The following CCDC102B variants were observed in gnomAD, a reference collection of about 807,000 sequenced individuals.
CCDC102B encodes coiled-coil domain containing 102B, also known as coiled-coil domain-containing protein 102B.
In CCDC102B, 75 loss-of-function variants were observed where a neutral mutation model predicts 57.4. That is an observed-to-expected ratio of 1.31 (90% CI 1.08 to 1.58). The LOEUF (loss-of-function observed/expected upper bound fraction) is 1.58. CCDC102B is among the 40% of genes most tolerant of loss of function. CCDC102B has a pLI of 0.00. For missense variants in CCDC102B, 636 were observed against 582.6 expected, an observed-to-expected ratio of 1.09 and a Z score of -0.94; for synonymous variants, 206 against 201.9, an observed-to-expected ratio of 1.02 and a Z score of -0.17.
chr18:68,836,624 C>CAAA lies in CCDC102B; in HGVS notation c.-15-122_-15-120dup, dbSNP rs74175335. The stretch of plus-strand genomic sequence containing the variant: ...GCCTGGTGACAGAGCAAGACTCTGT[C>CAAA]AAAAATAAAAAAAAAGCATTGTTTT... On this transcript the variant is annotated intron_variant, in intron 1 of 7. Coordinates refer to ENST00000360242, the MANE Select transcript of CCDC102B (RefSeq NM_024781.3). The CAAA allele has an allele frequency of 9.4e-3, 4,429 of 470,776 alleles. 29 individuals are homozygous for CAAA. The highest frequency in any genetic ancestry group is 0.011 in the Non-Finnish European group (3,255 of 295,256). 29.2% of individuals were successfully genotyped at this position (470,776 alleles called of 1,614,324 possible).
chr18:68,765,015 C>G (rs2034377069), intron 2 of CCDC102B, among the ~76,000 whole-genome samples: 1 of 147,524 alleles, frequency 6.8e-6, no homozygotes, highest in African/African-American at 2.6e-5. Context: ...TCACTGCACT[C>G]CAGCCTGGGT....
intron 6 of CCDC102B, among the ~76,000 whole-genome samples, chr18:68,995,150 TG>T (rs957996043): frequency 6.6e-6 from 1 of 152,190 alleles, no homozygotes; most frequent in Non-Finnish European, 1.5e-5. Context: ...CCTAAAGATC[TG>T]TGGAACTTTG....
At chr18:68,896,919 A>G (rs947196857) in intron 5 of CCDC102B, among the ~76,000 whole-genome samples, 4 of 152,032 alleles carry the variant, frequency 2.6e-5, no homozygotes, top group Admixed American at 1.3e-4. Context: ...TTGAGAGTGG[A>G]GATTAATGTT....
chr18:68,879,119 G>T (rs2039573605), intron 5 of CCDC102B, among the ~76,000 whole-genome samples: 1 of 151,862 alleles, frequency 6.6e-6, no homozygotes, highest in African/African-American at 2.4e-5. Flanking sequence ...CCTCCCAGTG[G>T]GCTCGTGGTC....
At chr18:69,050,912 G>A (rs2052687926) in intron 7 of CCDC102B, among the ~76,000 whole-genome samples, 1 of 152,156 alleles carries the variant, frequency 6.6e-6, no homozygotes, top group Non-Finnish European at 1.5e-5. Flanking sequence ...TAGAGACAGA[G>A]TCTTGCTCTT....
At chr18:68,790,679 T>G (rs374746228) in intron 2 of CCDC102B, among the ~76,000 whole-genome samples, 1 of 152,194 alleles carries the variant, frequency 6.6e-6, no homozygotes, top group Admixed American at 6.5e-5. Flanking sequence ...TGCCTCGCCC[T>G]GCTTCGGCTC....
downstream of CCDC102B, among the ~76,000 whole-genome samples, chr18:69,057,905 G>A (rs1473997381): frequency 6.6e-6 from 1 of 151,968 alleles, no homozygotes; most frequent in Non-Finnish European, 1.5e-5. Context: ...GGTAAGGTGT[G>A]TATTGCTGAA....
chr18:69,050,161 G>GCTCAT (rs2052669082), intron 7 of CCDC102B, among the ~76,000 whole-genome samples: 1 of 150,442 alleles, frequency 6.6e-6, no homozygotes, highest in Non-Finnish European at 1.5e-5. Context: ...AGTGTTGAAG[G>GCTCAT]AGCAAATTAC....
intron 1 of CCDC102B, among the ~76,000 whole-genome samples, chr18:68,822,581 T>A (rs2036736560): frequency 6.6e-6 from 1 of 152,184 alleles, no homozygotes; most frequent in Admixed American, 6.5e-5. Flanking sequence ...TACATGGGTA[T>A]GTTGCACCCA....
chr18:68,853,401 G>C (rs1428539463), intron 4 of CCDC102B, among the ~76,000 whole-genome samples: 2 of 151,632 alleles, frequency 1.3e-5, no homozygotes, highest in Non-Finnish European at 2.9e-5. Context: ...TTTGGAAAAA[G>C]TCTGGAAAAA....
chr18:68,759,594 T>C (rs989527149), intron 2 of CCDC102B, among the ~76,000 whole-genome samples: 3 of 152,130 alleles, frequency 2.0e-5, no homozygotes, highest in Non-Finnish European at 2.9e-5. Flanking sequence ...ATGCTAAGTA[T>C]AGAATTCTAT....
chr18:68,944,921 T>C (rs1215236975), intron 6 of CCDC102B, among the ~76,000 whole-genome samples: 1 of 151,994 alleles, frequency 6.6e-6, no homozygotes. Context: ...AAGTCATCAG[T>C]TGTGGGCAAT....
intron 5 of CCDC102B, among the ~76,000 whole-genome samples, chr18:68,880,521 C>A (rs111271783): frequency 1.3e-5 from 2 of 152,150 alleles, no homozygotes; most frequent in African/African-American, 4.8e-5. Flanking sequence ...CGAGAGCCAG[C>A]GAGGGCTGTG....
chr18:68,736,988 C>A (rs2033159856), intron 2 of CCDC102B, among the ~76,000 whole-genome samples: 1 of 151,944 alleles, frequency 6.6e-6, no homozygotes, highest in Non-Finnish European at 1.5e-5. Context: ...CAGTGGCACA[C>A]ACCTCAACTG....
At chr18:68,851,927 C>T (rs1463484132) in intron 4 of CCDC102B, among the ~76,000 whole-genome samples, 1 of 152,112 alleles carries the variant, frequency 6.6e-6, no homozygotes, top group Non-Finnish European at 1.5e-5. Flanking sequence ...TTTCCAGAGA[C>T]TAATGTTCAT....
At chr18:68,814,973 A>G (rs78613330) in intron 1 of CCDC102B, among the ~76,000 whole-genome samples, 1,570 of 152,290 alleles carry the variant, frequency 0.01, 14 homozygotes, top group Middle Eastern at 0.048. Flanking sequence ...TTTGCCAGTA[A>G]AAATTATTTT....
At chr18:69,022,223 A>ATATATAT (rs1160074383) in intron 7 of CCDC102B, among the ~76,000 whole-genome samples, 3 of 100,544 alleles carry the variant, frequency 3.0e-5, no homozygotes, top group African/African-American at 8.7e-5. Flanking sequence ...ATATATATAT[A>ATATATAT]ACACACACAC....
intron 2 of CCDC102B, among the ~76,000 whole-genome samples, chr18:68,773,261 A>G (rs2144617596): frequency 6.6e-6 from 1 of 152,206 alleles, no homozygotes; most frequent in East Asian, 1.9e-4. Context: ...TCCAAAAGTT[A>G]TAAGAATGTG....
chr18:69,034,778 C>A (rs1420591733), intron 7 of CCDC102B, among the ~76,000 whole-genome samples: 8 of 151,402 alleles, frequency 5.3e-5, no homozygotes, highest in African/African-American at 1.9e-4. Flanking sequence ...CACACACACA[C>A]AAATATATAT....
Sources: gnomAD v4.1 joint callset for allele counts (sites outside exome capture counted in the v4.1 genomes callset) on GRCh38, gnomAD v4.1.1 for gene constraint, MANE v1.5 for transcripts, NCBI Gene and HGNC (gene_info 2026-07-23, HGNC 2026-07-21) for gene names.